Variants in CCDC148 observed in about 807,000 individuals in gnomAD.
CCDC148 encodes the protein coiled-coil domain containing 148, also known as coiled-coil domain-containing protein 148.
Under a neutral mutation model 85.7 loss-of-function variants are expected in CCDC148, and 89 were observed. That is an observed-to-expected ratio of 1.04 (90% CI 0.87 to 1.24). CCDC148 has a LOEUF of 1.24. CCDC148 is among the 50% of genes most tolerant of loss of function. CCDC148 has a pLI of 0.00. For missense variants in CCDC148, 692 were observed against 671.7 expected, an observed-to-expected ratio of 1.03 and a Z score of -0.33; for synonymous variants, 230 against 213.9, an observed-to-expected ratio of 1.08 and a Z score of -0.66.
At chr2:158,435,506 C>T (rs1687602736) in intron 1 of CCDC148, among the ~76,000 whole-genome samples, 1 of 152,206 alleles carries the variant, frequency 6.6e-6, no homozygotes, top group African/African-American at 2.4e-5. Flanking sequence ...ACAACTGGTA[C>T]TGGCCACTGC....
At chr2:158,439,224 C>T in intron 1 of CCDC148, among the ~76,000 whole-genome samples, 1 of 152,290 alleles carries the variant, frequency 6.6e-6, no homozygotes, top group East Asian at 1.9e-4. Flanking sequence ...TTGGTACCAA[C>T]CCAAATGTCC....
At chr2:158,278,442 T>C (rs930487145) in intron 9 of CCDC148, among the ~76,000 whole-genome samples, 1 of 152,198 alleles carries the variant, frequency 6.6e-6, no homozygotes, top group Non-Finnish European at 1.5e-5. Context: ...ACTTTTCCGA[T>C]GGGCTTAAAA....
intron 1 of CCDC148, among the ~76,000 whole-genome samples, chr2:158,435,209 G>A (rs1415132975): frequency 6.6e-6 from 1 of 152,174 alleles, no homozygotes; most frequent in Admixed American, 6.5e-5. Flanking sequence ...AGGAAAAAAT[G>A]TTAAAGACAG....
intron 11 of CCDC148, among the ~76,000 whole-genome samples, chr2:158,185,783 A>G (rs1170897315): frequency 1.3e-5 from 2 of 152,094 alleles, no homozygotes; most frequent in African/African-American, 4.8e-5. Context: ...ATCCTTTTAT[A>G]TCTTTACATA....
At chr2:158,224,341 G>A (rs898854597) in intron 10 of CCDC148, among the ~76,000 whole-genome samples, 1 of 152,192 alleles carries the variant, frequency 6.6e-6, no homozygotes, top group African/African-American at 2.4e-5. Context: ...ACATCTGATT[G>A]GTGTACCTGA....
intron 11 of CCDC148, among the ~76,000 whole-genome samples, chr2:158,217,374 G>GTATATATA (rs762560897): frequency 1.0e-5 from 1 of 98,526 alleles, no homozygotes; most frequent in South Asian, 4.2e-4. Context: ...GTGTGTGTGT[G>GTATATATA]TATATATATA....
At chr2:158,177,440 C>T (rs1176459007) in intron 12 of CCDC148, among the ~76,000 whole-genome samples, 1 of 152,062 alleles carries the variant, frequency 6.6e-6, no homozygotes, top group Non-Finnish European at 1.5e-5. Flanking sequence ...GTTGAACATG[C>T]TTTAATTATT....
chr2:158,250,878 G>C lies in CCDC148; in HGVS notation c.1145C>G (p.Ala382Gly). The part of the protein sequence containing the change: ...RQWRAHQEEV[A>G]RLEMEISARR... ...GGCAGAAATTTCCATTTCCAGTCTT[G>C]CTACCTCTTCTTGGTGGGCTCGCCA... Residue 382 changes from alanine (A) to glycine (G), a missense_variant, in exon 10 of 14, where the codon GCA (alanine) becomes GGA (glycine). By Grantham distance (60) the Ala-to-Gly change is moderately conservative. Coordinates refer to ENST00000283233, the MANE Select transcript of CCDC148 (RefSeq NM_138803.4). The C allele has an allele frequency of 6.3e-7, 1 of 1,599,090 alleles. No homozygotes were observed. Among genetic ancestry groups the C allele is most frequent in the Non-Finnish European group, 8.5e-7 (1 of 1,174,910 alleles).
chr2:158,364,248 T>C (rs973956575), intron 1 of CCDC148, among the ~76,000 whole-genome samples: 27 of 152,194 alleles, frequency 1.8e-4, no homozygotes. Context: ...AAGTAATTTA[T>C]AGATTCAATG....
intron 13 of CCDC148, among the ~76,000 whole-genome samples, chr2:158,174,355 T>C (rs749450716): frequency 1.8e-4 from 28 of 152,042 alleles, no homozygotes; most frequent in Non-Finnish European, 4.0e-4. Context: ...TTACTTTCTT[T>C]GTCCTCTCCC....
intron 11 of CCDC148, among the ~76,000 whole-genome samples, chr2:158,180,614 G>C (rs150943428): frequency 5.1e-3 from 775 of 152,214 alleles, no homozygotes; most frequent in Non-Finnish European, 9.1e-3. Context: ...GAGAGGGGAA[G>C]AGCTCAGGGT....
intron 10 of CCDC148, among the ~76,000 whole-genome samples, chr2:158,244,505 A>AGGTCC (rs1469682966): frequency 1.3e-5 from 2 of 152,260 alleles, no homozygotes; most frequent in East Asian, 3.9e-4. Context: ...TGTAGGCTAT[A>AGGTCC]GGTCCCATTT....
At chr2:158,199,578 T>C (rs1685849762) in intron 11 of CCDC148, among the ~76,000 whole-genome samples, 2 of 152,192 alleles carry the variant, frequency 1.3e-5, no homozygotes, top group Non-Finnish European at 2.9e-5. Flanking sequence ...TTTTAGCTTA[T>C]AAGTTATTTA....
chr2:158,263,908 A>G (rs2105155184), intron 9 of CCDC148, among the ~76,000 whole-genome samples: 1 of 151,660 alleles, frequency 6.6e-6, no homozygotes, highest in East Asian at 1.9e-4. Flanking sequence ...ATTTACATTT[A>G]TATATTATAT....
At position 158,425,118 on chromosome 2, in the gene CCDC148, G is replaced by C. The variant is rs996598839; in HGVS notation, c.25+31297C>G. ...TAGTGACTACTATGATCGCGGATATGGGAATTACAATAGTGCCTATGGTGG... is the reference window on the plus strand; with the variant it reads ...TAGTGACTACTATGATCGCGGATATCGGAATTACAATAGTGCCTATGGTGG... On this transcript the variant is annotated intron_variant, in intron 1 of 13. Transcript: ENST00000283233. The C allele has an allele frequency of 8.2e-6, 4 of 489,560 alleles. No homozygotes were observed. In the East Asian group the frequency reaches 2.4e-4, roughly 29 times the overall value. The allele number at this position is 489,560 out of a possible 1,614,324, so 30.3% of individuals were successfully genotyped here. A position where few individuals can be genotyped will look rare whatever the true frequency, so the allele number is the denominator to read the frequency against.
chr2:158,444,583 C>G (rs572625512), intron 1 of CCDC148, among the ~76,000 whole-genome samples: 2 of 151,382 alleles, frequency 1.3e-5, no homozygotes, highest in East Asian at 3.9e-4. Context: ...GAGCTCAAGA[C>G]CAGCCTGAGC....
At position 158,293,711 on chromosome 2, in the gene CCDC148, T is replaced by C. The variant is rs536647176; in HGVS notation, c.1110+15722A>G. On this transcript the variant is annotated intron_variant, in intron 9 of 13. Transcript: ENST00000283233. ...AATACCTGAAGCAGAGGTTGAGTCT[T>C]AGAAAGGAAGGTACCCCCAAATTCC... Among the ~76,000 whole-genome samples, 74 of 152,232 alleles carry C rather than the reference T, an allele frequency of 4.9e-4. 1 individual carries two copies. Among genetic ancestry groups the C allele is most frequent in the Middle Eastern group, 6.8e-3 (2 of 294 alleles).
chr2:158,192,029 T>C lies in CCDC148; in HGVS notation c.1371-13033A>G, dbSNP rs186296502. The stretch of plus-strand genomic sequence containing the variant: ...AACACTCAGACAATAAAGTCAAAGA[T>C]AGTAAAATTAATTAAATTAACAGGG... On this transcript the variant is annotated intron_variant, in intron 11 of 13. Coordinates refer to ENST00000283233, the MANE Select transcript of CCDC148 (RefSeq NM_138803.4). 9.2e-5 allele frequency among the ~76,000 whole-genome samples: 14 copies of C among 152,134 alleles called. No individual in the cohort carries two copies. In the East Asian group the frequency reaches 2.5e-3, roughly 27 times the overall value.
intron 1 of CCDC148, among the ~76,000 whole-genome samples, chr2:158,390,406 A>T (rs1377370597): frequency 6.6e-6 from 1 of 152,170 alleles, no homozygotes; most frequent in Non-Finnish European, 1.5e-5. Context: ...GAATTAAGGA[A>T]ATGATGCTGA....
Sources: gnomAD v4.1 joint callset for allele counts (sites outside exome capture counted in the v4.1 genomes callset) on GRCh38, gnomAD v4.1.1 for gene constraint, MANE v1.5 for transcripts, NCBI Gene and HGNC (gene_info 2026-07-23, HGNC 2026-07-21) for gene names.